Variants in ADGB observed in about 807,000 individuals in gnomAD.
The protein encoded by ADGB is androglobin.
In ADGB, 172 loss-of-function variants were observed where a neutral mutation model predicts 210.5. The observed-to-expected ratio is 0.82, with a 90% CI of 0.72 to 0.93. ADGB has a LOEUF of 0.93. Among genes scored for constraint, ADGB ranks in the 40% least tolerant of loss-of-function variants. The pLI is 0.00. For synonymous variants in ADGB, 658 were observed against 662.7 expected (o/e 0.99, Z 0.11); for missense variants, 2,025 against 1,964.8 (o/e 1.03, Z -0.58).
At chr6:146,647,411 A>G (rs1775635405) in intron 3 of ADGB, among the ~76,000 whole-genome samples, 1 of 152,120 alleles carries the variant, frequency 6.6e-6, no homozygotes, top group Non-Finnish European at 1.5e-5. Flanking sequence ...TAGATAACCT[A>G]GAAGTCAAAC....
intron 5 of ADGB, among the ~76,000 whole-genome samples, chr6:146,659,915 TAAAC>T (rs1775832241): frequency 6.6e-6 from 1 of 152,188 alleles, no homozygotes; most frequent in Non-Finnish European, 1.5e-5. Flanking sequence ...TTGTTTCTGA[TAAAC>T]AGAGAAAACA....
Position 146,716,867 on chromosome 6 carries a change from CAT to C in ADGB, c.1742-15_1742-14del, listed in dbSNP as rs1360810451. The C allele has an allele frequency of 6.6e-7, 1 of 1,526,620 alleles. No homozygotes were observed. The highest frequency in any genetic ancestry group is 8.8e-7 in the Non-Finnish European group (1 of 1,133,406). 94.6% of individuals were successfully genotyped at this position (1,526,620 alleles called of 1,614,324 possible). A position where few individuals can be genotyped will look rare whatever the true frequency, so the allele number is the denominator to read the frequency against. On this transcript the variant is annotated splice_polypyrimidine_tract_variant and intron_variant, in intron 14 of 35. Coordinates refer to ENST00000397944, the MANE Select transcript of ADGB (RefSeq NM_024694.4). ...ATTTAACAATATAAGATGTGTTTGACATGTGTGTCTTCTAGGCACAGATGAAC... is the reference window on the plus strand; with the variant it reads ...ATTTAACAATATAAGATGTGTTTGACGTGTGTCTTCTAGGCACAGATGAAC...
chr6:146,733,120 G>GC lies in ADGB; in HGVS notation c.2521_2522insC (p.Val841AlafsTer52). Reference sequence around the variant, plus strand: ...TATAAAAAAAATTTATGTGTTTCAGGTTTTTCATCTTTCCTTATGGCGTTT... The same window carrying GC: ...TATAAAAAAAATTTATGTGTTTCAGGCTTTTTCATCTTTCCTTATGGCGTTT... On this transcript the variant is annotated frameshift_variant and splice_region_variant, in exon 21 of 36. Transcript: ENST00000397944. LOFTEE classifies it high-confidence loss of function. 1.3e-6 allele frequency: 2 copies of GC among 1,507,038 alleles called. No homozygotes were observed. Among genetic ancestry groups the GC allele is most frequent in the Non-Finnish European group, 1.8e-6 (2 of 1,125,386 alleles). 93.4% of individuals were successfully genotyped at this position (1,507,038 alleles called of 1,614,324 possible).
At position 146,803,163 on chromosome 6, in the gene ADGB, G is replaced by T. The variant is rs1190994383; in HGVS notation, c.4818+1152G>T. ...AAGATCTTCTATCCTCAACAAATAA[G>T]CTACAAGTTCACTTATACTTCTCCT... On this transcript the variant is annotated intron_variant, in intron 35 of 35. Transcript: ENST00000397944. 2.0e-6 allele frequency: 3 copies of T among 1,487,874 alleles called. No homozygotes were observed. In the East Asian group the frequency reaches 6.8e-5, roughly 34 times the overall value. The allele number at this position is 1,487,874 out of a possible 1,614,324, so 92.2% of individuals were successfully genotyped here. A position where few individuals can be genotyped will look rare whatever the true frequency, so the allele number is the denominator to read the frequency against.
At chr6:146,776,567 C>T (rs781372211) in intron 29 of ADGB, among the ~76,000 whole-genome samples, 70 of 152,018 alleles carry the variant, frequency 4.6e-4, no homozygotes, top group Non-Finnish European at 2.6e-4. Flanking sequence ...CTGCCGTGTG[C>T]CTGACATTTT....
intron 9 of ADGB, among the ~76,000 whole-genome samples, chr6:146,683,797 A>G (rs1018281992): frequency 1.3e-5 from 2 of 152,118 alleles, no homozygotes; most frequent in Admixed American, 6.6e-5. Context: ...TAATATCATA[A>G]GGAAAATAAA....
At chr6:146,771,523 A>G (rs1373811031) in intron 29 of ADGB, among the ~76,000 whole-genome samples, 1 of 152,088 alleles carries the variant, frequency 6.6e-6, no homozygotes, top group Non-Finnish European at 1.5e-5. Flanking sequence ...CTGTGGTTCA[A>G]AGCAAAATCT....
intron 27 of ADGB, among the ~76,000 whole-genome samples, chr6:146,754,976 A>G (rs1321323087): frequency 6.6e-6 from 1 of 152,082 alleles, no homozygotes; most frequent in East Asian, 1.9e-4. Flanking sequence ...TATTAAGATC[A>G]CCTATTTTTA....
chr6:146,729,258 G>A (rs1776944315), intron 20 of ADGB, among the ~76,000 whole-genome samples: 1 of 152,152 alleles, frequency 6.6e-6, no homozygotes, highest in Non-Finnish European at 1.5e-5. Flanking sequence ...AAACCAGGTG[G>A]GCTTAGGTCT....
chr6:146,717,402 T>A, intron 15 of ADGB, 134 bp from the exon 16 acceptor site: 2 of 542,510 alleles, frequency 3.7e-6, no homozygotes, highest in South Asian at 5.9e-5. Context: ...TCTTGTCCCT[T>A]TAGGGCAACT....
chr6:146,692,293 C>A (rs953119417), intron 11 of ADGB, among the ~76,000 whole-genome samples: 1 of 151,906 alleles, frequency 6.6e-6, no homozygotes. Context: ...TTGAGAATTT[C>A]TTTCTTCTGG....
intron 1 of ADGB, among the ~76,000 whole-genome samples, chr6:146,632,266 G>A (rs544857509): frequency 2.0e-5 from 3 of 152,156 alleles, no homozygotes; most frequent in South Asian, 4.1e-4. Context: ...CACATTCCTC[G>A]GCTTGTGGCC....
intron 23 of ADGB, among the ~76,000 whole-genome samples, chr6:146,739,648 G>T (rs1777134647): frequency 6.6e-6 from 1 of 152,104 alleles, no homozygotes. Context: ...GAAAACATCT[G>T]CCTTCTGGAA....
intron 23 of ADGB, among the ~76,000 whole-genome samples, chr6:146,738,331 C>T (rs12204393): frequency 6.6e-6 from 1 of 150,896 alleles, no homozygotes; most frequent in Admixed American, 6.6e-5. Flanking sequence ...GCCTTTCATT[C>T]TCAACTCTGA....
intron 13 of ADGB, among the ~76,000 whole-genome samples, chr6:146,711,111 A>G (rs1322404742): frequency 3.9e-5 from 6 of 152,194 alleles, no homozygotes; most frequent in African/African-American, 1.4e-4. Flanking sequence ...CCTGTCTTCA[A>G]GATTTTGTCA....
chr6:146,701,823 T>C (rs184078772), intron 13 of ADGB, among the ~76,000 whole-genome samples: 2 of 152,112 alleles, frequency 1.3e-5, no homozygotes, highest in African/African-American at 2.4e-5. Flanking sequence ...CCTAGCTATA[T>C]AGGTCACAGG....
chr6:146,696,980 G>T (rs536711282), intron 12 of ADGB, among the ~76,000 whole-genome samples: 1 of 151,982 alleles, frequency 6.6e-6, no homozygotes, highest in Non-Finnish European at 1.5e-5. Context: ...GAATATTTTC[G>T]GTTATTACCA....
intron 28 of ADGB, among the ~76,000 whole-genome samples, chr6:146,765,852 A>C (rs1777565348): frequency 1.3e-5 from 2 of 151,892 alleles, no homozygotes; most frequent in Non-Finnish European, 2.9e-5. Flanking sequence ...AAGTAACTCA[A>C]AGATAAAAGA....
intron 3 of ADGB, among the ~76,000 whole-genome samples, chr6:146,650,437 T>A (rs1279822971): frequency 6.6e-6 from 1 of 151,794 alleles, no homozygotes. Context: ...GAGCTCTGAC[T>A]TTTTTTATTG....
Sources: gnomAD v4.1 joint callset for allele counts (sites outside exome capture counted in the v4.1 genomes callset) on GRCh38, gnomAD v4.1.1 for gene constraint, MANE v1.5 for transcripts, NCBI Gene and HGNC (gene_info 2026-07-23, HGNC 2026-07-21) for gene names.